Variants in ZNF804B observed in about 807,000 individuals in gnomAD.
ZNF804B encodes the protein zinc finger 804B.
Under a neutral mutation model 101.4 loss-of-function variants are expected in ZNF804B, and 80 were observed. The observed-to-expected ratio is 0.79, with a 90% CI of 0.66 to 0.95. ZNF804B has a LOEUF of 0.95. Among genes scored for constraint, ZNF804B ranks in the 40% least tolerant of loss-of-function variants. ZNF804B has a pLI of 0.00. For synonymous variants in ZNF804B, 622 were observed against 558.8 expected, an observed-to-expected ratio of 1.11 and a Z score of -1.59; for missense variants, 1,673 against 1,561.9, an observed-to-expected ratio of 1.07 and a Z score of -1.20.
rs533860851 is a variant in ZNF804B at position 88,887,800 on chromosome 7, C to T, written c.108+127716C>T. ...TATTTACCCCATGCATATCTTTGTA[C>T]ACTTTCTGCTCATTACTACGATCCT... On this transcript the variant is annotated intron_variant, in intron 1 of 3. Transcript: ENST00000333190. Among the ~76,000 whole-genome samples, 3 of 150,786 alleles carry T rather than the reference C, an allele frequency of 2.0e-5. No homozygotes were observed. In the South Asian group the frequency reaches 6.3e-4, roughly 31 times the overall value.
rs573383407 is a variant in ZNF804B at position 89,150,391 on chromosome 7, C to T, written c.109-67764C>T. On this transcript the variant is annotated intron_variant, in intron 1 of 3. Coordinates refer to ENST00000333190, the MANE Select transcript of ZNF804B (RefSeq NM_181646.5). ...GAAGCTACAAATGTATATGCACACG[C>T]ATTATTTCTCTTTCAGATTCTAGTG... 1.5e-3 allele frequency among the ~76,000 whole-genome samples: 232 copies of T among 152,194 alleles called. 1 individual carries two copies. Among genetic ancestry groups the T allele is most frequent in the South Asian group, 1.9e-3 (9 of 4,820 alleles).
intron 1 of ZNF804B, among the ~76,000 whole-genome samples, chr7:89,096,194 G>A (rs1466001310): frequency 6.6e-6 from 1 of 151,548 alleles, no homozygotes; most frequent in Non-Finnish European, 1.5e-5. Context: ...CTCAGCAGAT[G>A]AGAAATGGAT....
chr7:89,312,824 A>G (rs994403692), intron 2 of ZNF804B, among the ~76,000 whole-genome samples: 1 of 152,238 alleles, frequency 6.6e-6, no homozygotes, highest in Non-Finnish European at 1.5e-5. Flanking sequence ...GAAAAGAAAA[A>G]AAAAAAAAGA....
intron 1 of ZNF804B, among the ~76,000 whole-genome samples, chr7:89,052,667 A>G (rs1259202648): frequency 6.6e-6 from 1 of 152,150 alleles, no homozygotes; most frequent in South Asian, 2.1e-4. Flanking sequence ...GACAGGAAGC[A>G]CAGAACTCAA....
intron 1 of ZNF804B, among the ~76,000 whole-genome samples, chr7:88,914,213 A>G (rs934627385): frequency 6.6e-6 from 1 of 152,172 alleles, no homozygotes; most frequent in Admixed American, 6.5e-5. Context: ...TGGAAATGGA[A>G]ATGAATCTTC....
At chr7:89,110,044 A>G (rs1411153676) in intron 1 of ZNF804B, among the ~76,000 whole-genome samples, 1 of 152,134 alleles carries the variant, frequency 6.6e-6, no homozygotes, top group Non-Finnish European at 1.5e-5. Flanking sequence ...CCAGTTTGTT[A>G]TGGCAGCAGA....
chr7:89,093,734 C>A (rs1045778651), intron 1 of ZNF804B, among the ~76,000 whole-genome samples: 1 of 152,220 alleles, frequency 6.6e-6, no homozygotes, highest in Non-Finnish European at 1.5e-5. Context: ...GAAGGAACTG[C>A]CAAATTATTT....
intron 1 of ZNF804B, among the ~76,000 whole-genome samples, chr7:88,980,310 C>T (rs368490038): frequency 1.9e-4 from 29 of 151,976 alleles, no homozygotes; most frequent in South Asian, 1.2e-3. Flanking sequence ...TCACTGGTGC[C>T]TTATTTAGTT....
intron 1 of ZNF804B, among the ~76,000 whole-genome samples, chr7:89,096,002 A>G (rs185583827): frequency 0.011 from 1,681 of 152,092 alleles, 35 homozygotes; most frequent in East Asian, 0.1. Context: ...ATATAAAAAA[A>G]AAATTAGCCG....
chr7:88,875,407 T>C (rs1467642069), intron 1 of ZNF804B, among the ~76,000 whole-genome samples: 1 of 151,910 alleles, frequency 6.6e-6, no homozygotes, highest in African/African-American at 2.4e-5. Flanking sequence ...ATTGATAAAC[T>C]GCTAGCAAGA....
intron 1 of ZNF804B, among the ~76,000 whole-genome samples, chr7:89,075,054 G>T (rs1789595109): frequency 6.6e-6 from 1 of 152,102 alleles, no homozygotes; most frequent in African/African-American, 2.4e-5. Context: ...AGGTGACTTG[G>T]GTACTGTTAA....
chr7:89,262,430 C>A (rs1027202689), intron 2 of ZNF804B, among the ~76,000 whole-genome samples: 1 of 152,054 alleles, frequency 6.6e-6, no homozygotes, highest in Non-Finnish European at 1.5e-5. Flanking sequence ...AGCTATATGA[C>A]CATGGGTAAG....
At chr7:89,025,861 C>A (rs1265334709) in intron 1 of ZNF804B, among the ~76,000 whole-genome samples, 1 of 152,036 alleles carries the variant, frequency 6.6e-6, no homozygotes, top group Admixed American at 6.6e-5. Context: ...ACTGAAATTA[C>A]GATTTTTAAA....
At chr7:89,205,854 G>T (rs1422262834) in intron 1 of ZNF804B, among the ~76,000 whole-genome samples, 1 of 152,118 alleles carries the variant, frequency 6.6e-6, no homozygotes, top group Non-Finnish European at 1.5e-5. Flanking sequence ...CTATGTGGGG[G>T]GCTCAAATCC....
At chr7:89,242,863 T>A (rs1245730339) in intron 2 of ZNF804B, among the ~76,000 whole-genome samples, 1 of 151,930 alleles carries the variant, frequency 6.6e-6, no homozygotes, top group Non-Finnish European at 1.5e-5. Context: ...GGTTGAATAA[T>A]GTGTTTTACT....
chr7:89,122,715 A>G (rs1476209828), intron 1 of ZNF804B, among the ~76,000 whole-genome samples: 1 of 152,106 alleles, frequency 6.6e-6, no homozygotes, highest in African/African-American at 2.4e-5. Context: ...CTACTTCCTC[A>G]GAGGACACAC....
intron 2 of ZNF804B, among the ~76,000 whole-genome samples, chr7:89,310,878 G>T (rs1429001989): frequency 1.3e-5 from 2 of 152,214 alleles, no homozygotes; most frequent in Non-Finnish European, 2.9e-5. Context: ...TTGCTGCAGA[G>T]CAGGTAACAG....
chr7:89,173,745 TATCCATCCATCCATCC>T (rs67518267), intron 1 of ZNF804B, among the ~76,000 whole-genome samples: 4 of 151,622 alleles, frequency 2.6e-5, no homozygotes, highest in Non-Finnish European at 4.4e-5. Flanking sequence ...TCCATCCATT[TATCCATCCATCCATCC>T]ATCCATCATC....
chr7:88,879,272 T>C (rs1353710926), intron 1 of ZNF804B, among the ~76,000 whole-genome samples: 1 of 152,092 alleles, frequency 6.6e-6, no homozygotes, highest in Non-Finnish European at 1.5e-5. Flanking sequence ...CCATGCATCC[T>C]CAACAAGGAT....
Sources: allele counts gnomAD v4.1 joint callset (sites outside exome capture counted in the v4.1 genomes callset), GRCh38; gene constraint gnomAD v4.1.1; transcripts MANE v1.5; gene names NCBI Gene and HGNC (gene_info 2026-07-23, HGNC 2026-07-21).